Variants in ANKRD13A observed in about 807,000 individuals in gnomAD.
ANKRD13A encodes ankyrin repeat domain 13A.
Under a neutral mutation model 81.3 loss-of-function variants are expected in ANKRD13A, and 48 were observed. That is an observed-to-expected ratio of 0.59 (90% CI 0.47 to 0.75). ANKRD13A has a LOEUF of 0.75. Among genes scored for constraint, ANKRD13A ranks in the 30% least tolerant of loss-of-function variants. ANKRD13A has a pLI of 0.00. For synonymous variants in ANKRD13A, 230 were observed against 270.1 expected, an observed-to-expected ratio of 0.85 and a Z score of 1.45; for missense variants, 612 against 734.0, an observed-to-expected ratio of 0.83 and a Z score of 1.92.
In ANKRD13A at chr12:110,036,164, G is replaced by A. The variant is rs1043584330; in HGVS notation, c.1510-97G>A. The A allele has an allele frequency of 8.7e-7, 1 of 1,153,304 alleles. No homozygotes were observed. The highest frequency in any genetic ancestry group is 1.7e-5 in the Admixed American group (1 of 58,820). 71.4% of individuals were successfully genotyped at this position (1,153,304 alleles called of 1,614,324 possible). On this transcript the variant is annotated intron_variant, in intron 13 of 14. Coordinates refer to ENST00000261739, the MANE Select transcript of ANKRD13A (RefSeq NM_033121.2). This position sits in a 1 kb window ranked among gnomAD's most constrained non-coding sequence, Gnocchi z 4.6. ...GCACTATTGATAATGGTCATGGAAA[G>A]ACTTTTAATTTGGTTCTTGCTGCCA...
chr12:110,016,322 AC>A, intron 3 of ANKRD13A, 65 bp from the exon 4 acceptor site: 1 of 1,241,380 alleles, frequency 8.1e-7, no homozygotes, highest in Non-Finnish European at 1.1e-6. Context: ...AACCCTGTTA[AC>A]CCCTGCTTAT....
At chr12:110,006,365 G>C (rs910549358) in intron 1 of ANKRD13A, among the ~76,000 whole-genome samples, 7 of 152,130 alleles carry the variant, frequency 4.6e-5, no homozygotes, top group Admixed American at 2.0e-4. Flanking sequence ...GTGTGAAGTG[G>C]CATCTCATTG....
At chr12:110,013,680 A>T (rs1420532068) in intron 3 of ANKRD13A, among the ~76,000 whole-genome samples, 1 of 152,104 alleles carries the variant, frequency 6.6e-6, no homozygotes, top group Non-Finnish European at 1.5e-5. Flanking sequence ...CTGAGGTAGG[A>T]TGATCGCTTG....
intron 8 of ANKRD13A, among the ~76,000 whole-genome samples, 163 bp downstream of exon 8, chr12:110,025,986 A>G (rs543358333): frequency 1.8e-3 from 270 of 149,814 alleles, no homozygotes; most frequent in Admixed American, 3.1e-3. Context: ...TTTTGAGGCA[A>G]AGTCTCGCCC....
chr12:110,019,017 GT>G, intron 5 of ANKRD13A, 121 bp from the exon 6 acceptor site: 1 of 1,069,896 alleles, frequency 9.3e-7, no homozygotes, highest in Non-Finnish European at 1.3e-6. Flanking sequence ...TACACTGTAG[GT>G]TTTACCAGAT....
intron 3 of ANKRD13A, among the ~76,000 whole-genome samples, chr12:110,013,992 G>T (rs1890656636): frequency 1.3e-5 from 2 of 152,184 alleles, no homozygotes; most frequent in Non-Finnish European, 1.5e-5. Context: ...AGAGGTCTGT[G>T]TGTAACTTCT....
chr12:110,025,759 T>A lies in ANKRD13A; in HGVS notation c.819T>A (p.Asn273Lys). 1 of 1,613,334 alleles carries A rather than the reference T, an allele frequency of 6.2e-7. No homozygotes were observed. Among genetic ancestry groups the A allele is most frequent in the South Asian group, 1.1e-5 (1 of 90,892 alleles). ...GYEAKVYTVN[N>K]VNVITKIRTE... is the part of the protein sequence containing the mutation. ...CCTCTCAGGTTTACACAGTAAACAA[T>A]GTGAATGTGATCACCAAAATACGCA... The change falls in exon 8 of 15, where the codon AAT becomes AAA. Residue 273 changes from asparagine to lysine, a missense_variant. Coordinates refer to ENST00000261739, the MANE Select transcript of ANKRD13A (RefSeq NM_033121.2).
rs1330250433 is a variant in ANKRD13A, at chr12:110,036,643, T to C, written c.1577+315T>C. On this transcript the variant is annotated intron_variant, in intron 14 of 14. Coordinates refer to ENST00000261739, the MANE Select transcript of ANKRD13A (RefSeq NM_033121.2). This position sits in a 1 kb window ranked among gnomAD's most constrained non-coding sequence, Gnocchi z 4.6. Reference sequence around the variant, plus strand: ...GCCAGGCACCTGTAGTCTCAGCTACTCGGGAGGCTGAGGCAGGAGAATGGC... The same window carrying C: ...GCCAGGCACCTGTAGTCTCAGCTACCCGGGAGGCTGAGGCAGGAGAATGGC... Among the ~76,000 whole-genome samples, 3 of 152,008 alleles carry C rather than the reference T, an allele frequency of 2.0e-5. No homozygotes were observed. Among genetic ancestry groups the C allele is most frequent in the Admixed American group, 6.6e-5 (1 of 15,266 alleles).
In ANKRD13A at chr12:110,018,120, G is replaced by C. The variant is rs1026857735; in HGVS notation, c.401-225G>C. ...TCATTTCAGGATCAAGAATACTCTT[G>C]GGAAATTTATTTAGACTTTTTTTCT... On this transcript the variant is annotated intron_variant, in intron 4 of 14. Transcript: ENST00000261739. This position sits in a 1 kb window ranked among gnomAD's most constrained non-coding sequence, Gnocchi z 4.4. Among the ~76,000 whole-genome samples, 3 of 152,066 alleles carry C rather than the reference G, an allele frequency of 2.0e-5. No homozygotes were observed. Among genetic ancestry groups the C allele is most frequent in the Admixed American group, 6.5e-5 (1 of 15,274 alleles).
At chr12:110,014,801 T>TTTTTTTTTTTTTTG (rs1411282830) in intron 3 of ANKRD13A, among the ~76,000 whole-genome samples, 1 of 151,424 alleles carries the variant, frequency 6.6e-6, no homozygotes, top group African/African-American at 2.4e-5. Context: ...TTTTTTTTTT[T>TTTTTTTTTTTTTTG]GAGACGGAAT....
At chr12:110,013,020 TTTC>T (rs1442499481) in intron 2 of ANKRD13A, 102 bp from the exon 3 acceptor site, 2 of 1,299,208 alleles carry the variant, frequency 1.5e-6, no homozygotes, top group Non-Finnish European at 1.1e-6. Flanking sequence ...CTGCAGCCCT[TTTC>T]TTCTGAAGAA....
chr12:110,018,249 C>A lies in ANKRD13A; in HGVS notation c.401-96C>A. The stretch of plus-strand genomic sequence containing the variant: ...TTGTTTGATGGTCACCATCTTGCCA[C>A]TCCCCTCCTTTTATTAAATCAGAAT... On this transcript the variant is annotated intron_variant, in intron 4 of 14. Transcript: ENST00000261739. The surrounding 1 kb of genome is among the most constrained non-coding windows in gnomAD (Gnocchi z 4.4). The A allele has an allele frequency of 7.4e-7, 1 of 1,345,042 alleles. No individual in the cohort carries two copies. Among genetic ancestry groups the A allele is most frequent in the Non-Finnish European group, 1.0e-6 (1 of 980,460 alleles). 83.3% of individuals were successfully genotyped at this position (1,345,042 alleles called of 1,614,324 possible).
rs751631195 is a variant in ANKRD13A at position 110,019,231 on chromosome 12, C to T, written c.637C>T (p.Leu213=). Residue 213 remains leucine (L), a synonymous_variant, in exon 6 of 15, where the codon CTG becomes TTG. Coordinates refer to ENST00000261739, the MANE Select transcript of ANKRD13A (RefSeq NM_033121.2). The part of the protein sequence containing the change: ...DLSQEMERLT[L]DLMKPKSREV... ...TTCCCAAGAAATGGAGCGCCTCACT[C>T]TGGACTTGATGAAGCCAAAAAGCAG... 6.2e-7 allele frequency: 1 copy of T among 1,614,174 alleles called. No individual in the cohort carries two copies. The highest frequency in any genetic ancestry group is 8.5e-7 in the Non-Finnish European group (1 of 1,179,978).
chr12:110,013,088 A>G (rs1357606390), intron 2 of ANKRD13A, 37 bp from the exon 3 acceptor site: 5 of 1,610,040 alleles, frequency 3.1e-6, no homozygotes, highest in Non-Finnish European at 4.2e-6. Flanking sequence ...ATTTGTCAGA[A>G]AGTATGAGAA....
chr12:110,026,881 C>CA (rs996776091), intron 8 of ANKRD13A: 7 of 150,680 alleles, frequency 4.6e-5, no homozygotes, highest in South Asian at 2.1e-4. Context: ...GACTCTGTCT[C>CA]AAAAAAAAGA....
chr12:110,037,303 T>A (rs1289870275), intron 14 of ANKRD13A, 56 bp from the exon 15 acceptor site: 3 of 1,531,158 alleles, frequency 2.0e-6, no homozygotes, highest in African/African-American at 2.8e-5. Context: ...TAGTTACTGC[T>A]GCCACCATGA....
intron 1 of ANKRD13A, among the ~76,000 whole-genome samples, chr12:110,007,497 C>T (rs969926973): frequency 6.6e-6 from 1 of 152,160 alleles, no homozygotes; most frequent in African/African-American, 2.4e-5. Flanking sequence ...TCTCCTGCCT[C>T]AGCCTCCCAA....
intron 7 of ANKRD13A, among the ~76,000 whole-genome samples, chr12:110,024,696 C>T (rs1891233101): frequency 6.6e-6 from 1 of 152,206 alleles, no homozygotes; most frequent in Non-Finnish European, 1.5e-5. Context: ...GCAGGGTCCT[C>T]TGGTGGCCTC....
chr12:110,013,373 C>G lies in ANKRD13A; in HGVS notation c.354+124C>G. On this transcript the variant is annotated intron_variant, in intron 3 of 14. Coordinates refer to ENST00000261739, the MANE Select transcript of ANKRD13A (RefSeq NM_033121.2). ...TTCTGATTCGTGAATATGAAATACT[C>G]AATACCAATCACATTATTCCTTGCC... 2.6e-6 allele frequency: 3 copies of G among 1,163,428 alleles called. No homozygotes were observed. In the South Asian group the frequency reaches 4.5e-5, roughly 17 times the overall value. The allele number at this position is 1,163,428 out of a possible 1,614,324, so 72.1% of individuals were successfully genotyped here. A position where few individuals can be genotyped will look rare whatever the true frequency, so the allele number is the denominator to read the frequency against.
Sources: allele counts gnomAD v4.1 joint callset (sites outside exome capture counted in the v4.1 genomes callset), GRCh38; gene constraint gnomAD v4.1.1; non-coding constraint Gnocchi (gnomAD v3.1); transcripts MANE v1.5; gene names NCBI Gene and HGNC (gene_info 2026-07-23, HGNC 2026-07-21).